NPAS4: variants seen among roughly 807,000 people sequenced by gnomAD.
NPAS4 encodes the protein neuronal PAS domain-containing protein 4.
NPAS4 carries 10 observed loss-of-function variants against 64.0 expected under a neutral mutation model. The ratio of observed to expected loss-of-function variants is 0.16; its 90% CI spans 0.10 to 0.26. The LOEUF is 0.26. Among genes scored for constraint, NPAS4 ranks in the 10% least tolerant of loss-of-function variants. The pLI, the probability that NPAS4 is intolerant of heterozygous loss-of-function variation, is 1.00. For synonymous variants in NPAS4, 441 were observed against 411.7 expected, an observed-to-expected ratio of 1.07 and a Z score of -0.86; for missense variants, 886 against 992.6, an observed-to-expected ratio of 0.89 and a Z score of 1.44.
rs762336996 is a variant in NPAS4, at chr11:66,422,504, C to T, written c.381C>T (p.Asp127=). 7 of 1,613,970 alleles carry T rather than the reference C, an allele frequency of 4.3e-6. No individual in the cohort carries two copies. In the East Asian group the frequency reaches 1.1e-4, roughly 26 times the overall value. ...TCTACGACATCATTGACCCAGCTGA[C>T]CACCTCACTGTGCGCCAGCAACTCA... The part of the protein sequence containing the change: ...DSIYDIIDPA[D]HLTVRQQLTL... Residue 127 remains aspartate (D), a synonymous_variant, in exon 3 of 8, where the codon GAC becomes GAT. Coordinates refer to ENST00000311034, the MANE Select transcript of NPAS4 (RefSeq NM_178864.4).
chr11:66,418,538 C>A (rs1331708128), upstream of NPAS4, among the ~76,000 whole-genome samples: 1 of 152,106 alleles, frequency 6.6e-6, no homozygotes, highest in East Asian at 1.9e-4. Context: ...GCACACAGAG[C>A]TTCTCAACTT....
At chr11:66,417,173 G>A (rs1371176933), upstream of NPAS4, 1 of 151,948 alleles carries the variant, frequency 6.6e-6, no homozygotes, top group African/African-American at 2.4e-5. Context: ...GGAAGGAGTG[G>A]GTGGGTTGCT....
chr11:66,425,621 C>T (rs1466721539), intron 7 of NPAS4, among the ~76,000 whole-genome samples: 4 of 152,080 alleles, frequency 2.6e-5, no homozygotes, highest in African/African-American at 4.8e-5. Context: ...GGGTGCACAA[C>T]AAACTGATGG....
upstream of NPAS4, among the ~76,000 whole-genome samples, chr11:66,418,906 A>G (rs922745579): frequency 2.0e-5 from 3 of 152,072 alleles, no homozygotes; most frequent in African/African-American, 7.2e-5. Context: ...GTATTCCTTC[A>G]CTGCAGATTC....
chr11:66,424,991 G>C lies in NPAS4; in HGVS notation c.2101G>C (p.Asp701His). 1.2e-6 allele frequency: 2 copies of C among 1,614,148 alleles called. No individual in the cohort carries two copies. Among genetic ancestry groups the C allele is most frequent in the Non-Finnish European group, 8.5e-7 (1 of 1,180,024 alleles). Residue 701 changes from aspartate (D) to histidine (H), a missense_variant, in exon 7 of 8, where the codon GAT (aspartate) becomes CAT (histidine). By Grantham distance (81) the Asp-to-His change is moderately conservative. Coordinates refer to ENST00000311034, the MANE Select transcript of NPAS4 (RefSeq NM_178864.4). ...GGAGCTGGACTTCCTGGCTGACCCT[G>C]ATAACATGTTCCTGGAAGAGACGCC... is the stretch of plus-strand genomic sequence containing the variant. ...CQELDFLADP[D>H]NMFLEETPVE... is the part of the protein sequence containing the mutation.
At chr11:66,417,773 G>T (rs1856687319), upstream of NPAS4, among the ~76,000 whole-genome samples, 2 of 151,826 alleles carry the variant, frequency 1.3e-5, no homozygotes, top group African/African-American at 2.4e-5. Flanking sequence ...ATACACACAG[G>T]CACAAACATA....
At position 66,421,323 on chromosome 11, in the gene NPAS4, C is replaced by T. The variant is rs1198633348; in HGVS notation, c.144C>T (p.Ile48=). 6.2e-7 allele frequency: 1 copy of T among 1,614,176 alleles called. No individual in the cohort carries two copies. The highest frequency in any genetic ancestry group is 2.2e-5 in the East Asian group (1 of 44,868). The part of the protein sequence containing the change: ...SYLHIMSLAC[I]YTRKGVFFAG... ...TGCACATCATGAGCCTCGCCTGCAT[C>T]TACACTCGCAAGGGCGTCTTCTTCG... Residue 48 remains isoleucine (I), a synonymous_variant, in exon 1 of 8, where the codon ATC becomes ATT. Coordinates refer to ENST00000311034, the MANE Select transcript of NPAS4 (RefSeq NM_178864.4).
Position 66,422,499 on chromosome 11 carries a change from G to T in NPAS4, c.376G>T (p.Ala126Ser). ...CAGCATCTACGACATCATTGACCCA[G>T]CTGACCACCTCACTGTGCGCCAGCA... Reference protein sequence around the residue: ...GDSIYDIIDPADHLTVRQQLT... With the variant: ...GDSIYDIIDPSDHLTVRQQLT... The change falls in exon 3 of 8, where the codon GCT becomes TCT. Residue 126 changes from alanine (A) to serine (S), a missense_variant. By Grantham distance (99) the Ala-to-Ser change is moderately conservative (BLOSUM62 1). Around this residue, in one of 3 missense-constraint regions of NPAS4, gnomAD observed 820 missense variants for 855.5 expected, o/e 0.96. Coordinates refer to ENST00000311034, the MANE Select transcript of NPAS4 (RefSeq NM_178864.4). 1 of 1,614,018 alleles carries T rather than the reference G, an allele frequency of 6.2e-7. No individual in the cohort carries two copies. Among genetic ancestry groups the T allele is most frequent in the South Asian group, 1.1e-5 (1 of 91,088 alleles).
upstream of NPAS4, among the ~76,000 whole-genome samples, chr11:66,416,594 A>T (rs1178250590): frequency 6.6e-6 from 1 of 152,198 alleles, no homozygotes; most frequent in African/African-American, 2.4e-5. Flanking sequence ...CTCATTGGTA[A>T]CTTGCAGCAC....
At chr11:66,419,413 A>G (rs1396014183), upstream of NPAS4, among the ~76,000 whole-genome samples, 3 of 151,918 alleles carry the variant, frequency 2.0e-5, no homozygotes, top group East Asian at 3.9e-4. Flanking sequence ...AGGAGCGGAG[A>G]GTTCCCTGGC....
the NPAS4 span, among the ~76,000 whole-genome samples, chr11:66,413,470 T>C: frequency 8.5e-5 from 13 of 152,226 alleles, no homozygotes; most frequent in Non-Finnish European, 1.8e-4. Context: ...TGGGTGCAGT[T>C]GGCTCCTCCT....
chr11:66,417,120 A>G (rs1856680461), upstream of NPAS4: 1 of 152,112 alleles, frequency 6.6e-6, no homozygotes, highest in African/African-American at 2.4e-5. Context: ...GGAATCAGCC[A>G]ATCCCTCCTC....
intron 1 of NPAS4, among the ~76,000 whole-genome samples, chr11:66,421,745 C>T (rs1856745726): frequency 6.6e-6 from 1 of 152,226 alleles, no homozygotes; most frequent in Non-Finnish European, 1.5e-5. Flanking sequence ...CTCCTGTCGC[C>T]TTCGGGGCGC....
chr11:66,420,954 C>G (rs1246724478), upstream of NPAS4: 2 of 517,574 alleles, frequency 3.9e-6, no homozygotes, highest in Non-Finnish European at 3.5e-6. Context: ...CCCAGCCTCC[C>G]GCTCTCCCGC....
Position 66,421,287 on chromosome 11 carries a change from G to T in NPAS4, c.108G>T (p.Arg36=). The part of the protein sequence containing the change: ...LLPLAEADKV[R]LSYLHIMSLA... ...CGCTGGCCGAAGCGGACAAGGTCCG[G>T]CTGTCCTACCTGCACATCATGAGCC... Residue 36 remains arginine (R), a synonymous_variant, in exon 1 of 8, where the codon CGG becomes CGT. Transcript: ENST00000311034. 6.2e-7 allele frequency: 1 copy of T among 1,614,142 alleles called. No individual in the cohort carries two copies. Among genetic ancestry groups the T allele is most frequent in the East Asian group, 2.2e-5 (1 of 44,878 alleles).
At chr11:66,418,873 C>A (rs780869785), upstream of NPAS4, among the ~76,000 whole-genome samples, 10 of 152,308 alleles carry the variant, frequency 6.6e-5, no homozygotes, top group East Asian at 1.2e-3. Flanking sequence ...ACTCTTTCAG[C>A]ACCACGGACA....
the NPAS4 span, among the ~76,000 whole-genome samples, chr11:66,415,771 G>C: frequency 6.6e-6 from 1 of 152,170 alleles, no homozygotes; most frequent in Non-Finnish European, 1.5e-5. Context: ...GTGTGACTTT[G>C]ATTAAGTCAT....
chr11:66,423,792 T>C (rs1346944702), intron 6 of NPAS4, 43 bp from the exon 7 acceptor site: 2 of 1,603,622 alleles, frequency 1.2e-6, no homozygotes. Flanking sequence ...GCTCTGGATA[T>C]GGACGTCGGA....
At chr11:66,419,872 G>A (rs553382083), upstream of NPAS4, among the ~76,000 whole-genome samples, 10 of 152,206 alleles carry the variant, frequency 6.6e-5, no homozygotes, top group Non-Finnish European at 1.3e-4. Context: ...AAAAATACAG[G>A]GTCCCTGGTA....
Sources: allele counts gnomAD v4.1 joint callset (sites outside exome capture counted in the v4.1 genomes callset), GRCh38; gene constraint gnomAD v4.1.1; regional missense constraint gnomAD v4.1.1; transcripts MANE v1.5; gene names NCBI Gene and HGNC (gene_info 2026-07-23, HGNC 2026-07-21).